The following ARHGAP6 variants were observed in gnomAD, a reference collection of about 807,000 sequenced individuals.
ARHGAP6 encodes rho GTPase-activating protein 6.
Under a neutral mutation model 55.7 loss-of-function variants are expected in ARHGAP6, and 16 were observed. The observed-to-expected ratio is 0.29, with a 90% confidence interval of 0.19 to 0.44. ARHGAP6 has a LOEUF of 0.44. Among genes scored for constraint, ARHGAP6 ranks in the 20% least tolerant of loss-of-function variants. The pLI is 1.00. For synonymous variants in ARHGAP6, 382 were observed against 360.9 expected (o/e 1.06, Z -0.66); for missense variants, 698 against 808.9 (o/e 0.86, Z 1.66).
intron 1 of ARHGAP6, among the ~76,000 whole-genome samples, chrX:11,299,677 G>A: frequency 8.9e-6 from 1 of 111,866 alleles, no homozygotes; most frequent in East Asian, 2.8e-4. Flanking sequence ...TTACTTCTAT[G>A]TATACGAGAT....
intron 1 of ARHGAP6, among the ~76,000 whole-genome samples, chrX:11,588,447 C>T (rs2051761874): frequency 8.9e-6 from 1 of 111,821 alleles, no homozygotes; most frequent in Admixed American, 9.5e-5. Context: ...AAAACATCTG[C>T]CTACCCAAAA....
chrX:11,152,726 G>C (rs758086370), intron 10 of ARHGAP6, among the ~76,000 whole-genome samples: 20 of 112,201 alleles, frequency 1.8e-4, no homozygotes, highest in African/African-American at 6.5e-4. Context: ...GTCAACACAA[G>C]GATGCCTTTT....
rs765772187 is a variant in ARHGAP6 at position 11,548,908 on chromosome X, C to T, written c.588+115333G>A. Among the ~76,000 whole-genome samples, 23 of 111,949 alleles carry T rather than the reference C, an allele frequency of 2.1e-4. No homozygotes were observed. The East Asian group carries it at 2.8e-3, about 14-fold the overall frequency. On this transcript the variant is annotated intron_variant, in intron 1 of 12. Coordinates refer to ENST00000337414, the MANE Select transcript of ARHGAP6 (RefSeq NM_013427.3). ...ACGGGCATGAGCCACTGTGCCCAGC[C>T]GGCTGAAAAGCATTTTATTGTGTAT...
chrX:11,515,353 G>C lies in ARHGAP6; in HGVS notation c.588+148888C>G, dbSNP rs112337492. Among the ~76,000 whole-genome samples the C allele has an allele frequency of 9.7e-3, 1,090 of 112,445 alleles. 5 individuals carry two copies. Among genetic ancestry groups the C allele is most frequent in the Middle Eastern group, 0.028 (6 of 217 alleles). ...CTAATACATTTATCAAGAAGGAAAA[G>C]TTGCGTCCTGAAGCAATCATTCCCT... On this transcript the variant is annotated intron_variant, in intron 1 of 12. Coordinates refer to ENST00000337414, the MANE Select transcript of ARHGAP6 (RefSeq NM_013427.3).
intron 1 of ARHGAP6, among the ~76,000 whole-genome samples, chrX:11,504,957 T>C (rs1250959726): frequency 8.9e-6 from 1 of 112,162 alleles, no homozygotes; most frequent in African/African-American, 3.2e-5. Context: ...TGGAAGATGA[T>C]TGGATTTGTT....
At chrX:11,607,840 C>T (rs2052053554) in intron 1 of ARHGAP6, among the ~76,000 whole-genome samples, 1 of 112,069 alleles carries the variant, frequency 8.9e-6, no homozygotes, top group Admixed American at 9.5e-5. Context: ...TTCAACAAAG[C>T]TTTGAGCGAA....
rs58227252 is a variant in ARHGAP6 at position 11,326,994 on chromosome X, C to A, written c.589-72287G>T. On this transcript the variant is annotated intron_variant, in intron 1 of 12. Coordinates refer to ENST00000337414, the MANE Select transcript of ARHGAP6 (RefSeq NM_013427.3). Reference sequence around the variant, plus strand: ...AAGTACACATTAAATCTAAAAAAAACCCCTACATCCCTAAATACAAATGAC... The same window carrying A: ...AAGTACACATTAAATCTAAAAAAAAACCCTACATCCCTAAATACAAATGAC... 9.0e-5 allele frequency among the ~76,000 whole-genome samples: 10 copies of A among 111,729 alleles called. No homozygotes were observed. The East Asian group carries it at 2.5e-3, about 28-fold the overall frequency.
chrX:11,501,401 G>A (rs1482312735), intron 1 of ARHGAP6, among the ~76,000 whole-genome samples: 1 of 111,911 alleles, frequency 8.9e-6, no homozygotes, highest in African/African-American at 3.2e-5. Context: ...AGTGAGCTGT[G>A]ATCTTACAAA....
At chrX:11,297,555 T>C (rs2048107622) in intron 1 of ARHGAP6, among the ~76,000 whole-genome samples, 2 of 112,563 alleles carry the variant, frequency 1.8e-5, no homozygotes, top group African/African-American at 6.5e-5. Flanking sequence ...CGTATTACTA[T>C]ATGAAGAATC....
chrX:11,250,038 C>T (rs2047403327), intron 2 of ARHGAP6, among the ~76,000 whole-genome samples: 2 of 111,675 alleles, frequency 1.8e-5, no homozygotes, highest in Non-Finnish European at 3.8e-5. Context: ...TTTCCCTTTA[C>T]AAAAATACCG....
chrX:11,334,892 TG>T, intron 1 of ARHGAP6: 1 of 145,820 alleles, frequency 6.9e-6, no homozygotes, highest in Admixed American at 7.9e-5. Context: ...CACTTTGCTC[TG>T]GTATTTTTGA....
At chrX:11,216,801 T>C (rs1395788953) in intron 2 of ARHGAP6, among the ~76,000 whole-genome samples, 2 of 111,275 alleles carry the variant, frequency 1.8e-5, no homozygotes, top group Non-Finnish European at 3.8e-5. Flanking sequence ...TGTGTCATGG[T>C]GGTTTGCTGC....
In ARHGAP6 at chrX:11,516,222, CTCTTT is replaced by C. The variant is rs751028906; in HGVS notation, c.588+148014_588+148018del. On this transcript the variant is annotated intron_variant, in intron 1 of 12. Transcript: ENST00000337414. Reference sequence around the variant, plus strand: ...AAGTTTCCTTTCATTCAAATGTTTTCTCTTTTATTTCTTTTATTGTGGTAACATAT... The same window carrying C: ...AAGTTTCCTTTCATTCAAATGTTTTCTATTTCTTTTATTGTGGTAACATAT... Among the ~76,000 whole-genome samples the C allele has an allele frequency of 2.2e-4, 25 of 112,397 alleles. No individual in the cohort carries two copies. The South Asian group carries it at 9.1e-3, about 41-fold the overall frequency.
At chrX:11,505,971 T>C (rs142163166) in intron 1 of ARHGAP6, among the ~76,000 whole-genome samples, 4 of 111,125 alleles carry the variant, frequency 3.6e-5, no homozygotes, top group East Asian at 5.7e-4. Context: ...GAATAGTCTG[T>C]ACAACAAACC....
chrX:11,394,780 T>C (rs767045334), intron 1 of ARHGAP6, among the ~76,000 whole-genome samples: 1 of 100,119 alleles, frequency 1.0e-5, no homozygotes, highest in South Asian at 4.4e-4. Flanking sequence ...GTGGTTAATA[T>C]AGAAACAGCC....
chrX:11,619,687 G>A (rs1304849108), intron 1 of ARHGAP6, among the ~76,000 whole-genome samples: 5 of 112,137 alleles, frequency 4.5e-5, no homozygotes, highest in Admixed American at 9.5e-5. Flanking sequence ...TCAAACAACA[G>A]ATGAGCATAT....
chrX:11,220,734 A>T (rs1180622831), intron 2 of ARHGAP6, among the ~76,000 whole-genome samples: 2 of 110,194 alleles, frequency 1.8e-5, no homozygotes, highest in Non-Finnish European at 3.8e-5. Context: ...CTAACAAGCA[A>T]AATAACCAGC....
At chrX:11,230,647 G>A (rs2047117039) in intron 2 of ARHGAP6, among the ~76,000 whole-genome samples, 1 of 107,935 alleles carries the variant, frequency 9.3e-6, no homozygotes, top group South Asian at 4.0e-4. Flanking sequence ...GTGTATAAAT[G>A]TGTGTATATA....
At chrX:11,617,290 A>G (rs956100710) in intron 1 of ARHGAP6, among the ~76,000 whole-genome samples, 1 of 112,203 alleles carries the variant, frequency 8.9e-6, no homozygotes, top group African/African-American at 3.2e-5. Flanking sequence ...TTGAATTTCC[A>G]GATGTGGCTT....
Sources: allele counts gnomAD v4.1 joint callset (sites outside exome capture counted in the v4.1 genomes callset), GRCh38; gene constraint gnomAD v4.1.1; transcripts MANE v1.5; gene names NCBI Gene and HGNC (gene_info 2026-07-23, HGNC 2026-07-21).